The following CATSPERB variants were observed in gnomAD, a reference collection of about 807,000 sequenced individuals.
The protein encoded by CATSPERB is catsper channel auxiliary subunit beta.
CATSPERB carries 93 observed loss-of-function variants against 128.3 expected under a neutral mutation model. The observed-to-expected ratio is 0.72, with a 90% CI of 0.61 to 0.86. The LOEUF is 0.86. CATSPERB is among the 40% of genes least tolerant of loss of function. The pLI, the probability that CATSPERB is intolerant of heterozygous loss-of-function variation, is 0.00. For missense variants in CATSPERB, 1,153 were observed against 1,329.5 expected (o/e 0.87, Z 2.06); for synonymous variants, 381 against 448.8 (o/e 0.85, Z 1.91).
intron 17 of CATSPERB, among the ~76,000 whole-genome samples, chr14:91,631,913 A>G (rs1441828748): frequency 1.3e-5 from 2 of 152,124 alleles, no homozygotes; most frequent in Non-Finnish European, 2.9e-5. Flanking sequence ...CACAGTAAAA[A>G]TCTTGGATAA....
intron 26 of CATSPERB, among the ~76,000 whole-genome samples, chr14:91,582,178 A>G (rs559391670): frequency 6.6e-6 from 1 of 152,290 alleles, no homozygotes; most frequent in South Asian, 2.1e-4. Flanking sequence ...ACATTGCCAG[A>G]TTTATCTTTG....
At chr14:91,700,896 T>C (rs1686144604) in intron 7 of CATSPERB, among the ~76,000 whole-genome samples, 1 of 152,126 alleles carries the variant, frequency 6.6e-6, no homozygotes, top group Admixed American at 6.6e-5. Context: ...GGCTCATTCA[T>C]ATTCCAAACC....
intron 10 of CATSPERB, among the ~76,000 whole-genome samples, chr14:91,688,218 A>G (rs545526403): frequency 1.3e-5 from 2 of 152,308 alleles, no homozygotes; most frequent in South Asian, 4.1e-4. Flanking sequence ...TTGTCTGGAA[A>G]TAGAAATTCT....
intron 15 of CATSPERB, among the ~76,000 whole-genome samples, chr14:91,648,909 G>A (rs1037579038): frequency 2.0e-5 from 3 of 151,272 alleles, no homozygotes; most frequent in Non-Finnish European, 2.9e-5. Context: ...CTTCAAGGCC[G>A]CTCACCCAGA....
At chr14:91,647,479 T>C (rs1258699881) in intron 15 of CATSPERB, among the ~76,000 whole-genome samples, 1 of 152,228 alleles carries the variant, frequency 6.6e-6, no homozygotes, top group Non-Finnish European at 1.5e-5. Context: ...ATTAGCCTGT[T>C]TGCATGCTGC....
Position 91,608,373 on chromosome 14 carries a change from A to G in CATSPERB, c.2630T>C (p.Ile877Thr), listed in dbSNP as rs774159492. 5 of 1,609,064 alleles carry G rather than the reference A, an allele frequency of 3.1e-6. No homozygotes were observed. The highest frequency in any genetic ancestry group is 8.5e-7 in the Non-Finnish European group (1 of 1,175,666). The change falls in exon 22 of 27, where the codon ATT (isoleucine) becomes ACT (threonine). Residue 877 changes from isoleucine to threonine, a missense_variant. By Grantham distance (89) the Ile-to-Thr change is moderately conservative. Coordinates refer to ENST00000256343, the MANE Select transcript of CATSPERB (RefSeq NM_024764.4). ...INYRPPSNMG[I>T]AIPLTDNFYH... is the part of the protein sequence containing the mutation. ...AAAATTATCTGTGAGTGGAATAGCA[A>G]TTCCCATATTAGATGGAGGCCTGTA...
Position 91,624,897 on chromosome 14 carries a change from T to G in CATSPERB, c.1853A>C (p.Asn618Thr). 6.2e-7 allele frequency: 1 copy of G among 1,612,898 alleles called. No homozygotes were observed. Among genetic ancestry groups the G allele is most frequent in the Non-Finnish European group, 8.5e-7 (1 of 1,179,552 alleles). Residue 618 changes from asparagine (N) to threonine (T), a missense_variant, in exon 18 of 27, where the codon AAT (asparagine) becomes ACT (threonine). Transcript: ENST00000256343. ...GGAACTAGACAAACAAGAGCTCTCA[T>G]TCACTTCTTCTAATCCAAAGGGCTC... The part of the protein sequence containing the change: ...MKEPFGLEEV[N>T]ESSCLSSSLL...
At chr14:91,719,391 A>T in intron 5 of CATSPERB, 27 bp downstream of exon 5, 1 of 1,512,302 alleles carries the variant, frequency 6.6e-7, no homozygotes, top group Non-Finnish European at 9.0e-7. Context: ...ACCCAGGGGT[A>T]AAAGAATTAA....
Position 91,617,689 on chromosome 14 carries a change from G to A in CATSPERB, c.2308C>T (p.Pro770Ser), listed in dbSNP as rs767392802. 9 of 1,599,630 alleles carry A rather than the reference G, an allele frequency of 5.6e-6. No individual in the cohort carries two copies. In the African/African-American group the frequency reaches 9.4e-5, roughly 17 times the overall value. ...IPLLTVFVGN[P>S]NLLEVTAEVT... Reference sequence around the variant, plus strand: ...TCAGCTGTAACTTCCAACAAATTAGGGTTTCCAACAAACACAGTCAGTAGT... The same window carrying A: ...TCAGCTGTAACTTCCAACAAATTAGAGTTTCCAACAAACACAGTCAGTAGT... Residue 770 changes from proline (P) to serine (S), a missense_variant, in exon 20 of 27, where the codon CCT becomes TCT. By Grantham distance (74) the Pro-to-Ser change is moderately conservative. Transcript: ENST00000256343.
intron 18 of CATSPERB, among the ~76,000 whole-genome samples, chr14:91,623,002 C>T (rs543375053): frequency 1.4e-4 from 21 of 150,218 alleles, no homozygotes; most frequent in Admixed American, 1.2e-3. Flanking sequence ...TCAAACAATT[C>T]TCCTGCCTCA....
intron 22 of CATSPERB, 112 bp downstream of exon 22, chr14:91,608,182 G>A (rs1488219262): frequency 7.6e-6 from 5 of 658,194 alleles, no homozygotes; most frequent in East Asian, 2.9e-5. Flanking sequence ...TAGCAATCAC[G>A]ATAATAACAG....
At chr14:91,634,480 AT>A (rs1169059523) in intron 17 of CATSPERB, among the ~76,000 whole-genome samples, 1 of 151,828 alleles carries the variant, frequency 6.6e-6, no homozygotes, top group African/African-American at 2.4e-5. Context: ...CTAAAAAGAG[AT>A]TTACCATTAG....
At position 91,685,592 on chromosome 14, in the gene CATSPERB, A is replaced by C. The variant is rs573441987; in HGVS notation, c.865-1649T>G. ...CTAGTCTGGGGGCTCAACAGACAAAATAGGGTGATAATGATAGGAATTTGT... is the reference window on the plus strand; with the variant it reads ...CTAGTCTGGGGGCTCAACAGACAAACTAGGGTGATAATGATAGGAATTTGT... On this transcript the variant is annotated intron_variant, in intron 10 of 26. Coordinates refer to ENST00000256343, the MANE Select transcript of CATSPERB (RefSeq NM_024764.4). 4.7e-4 allele frequency among the ~76,000 whole-genome samples: 71 copies of C among 152,310 alleles called. No individual in the cohort carries two copies. The South Asian group carries it at 0.014, about 31-fold the overall frequency.
At chr14:91,670,073 T>TA (rs1378678607) in intron 13 of CATSPERB, 101 bp from the exon 14 acceptor site, 1 of 1,002,850 alleles carries the variant, frequency 1.0e-6, no homozygotes, top group Non-Finnish European at 1.5e-6. Flanking sequence ...ATACAATCAC[T>TA]AACACAACAT....
chr14:91,692,051 T>C (rs11844943), intron 9 of CATSPERB, among the ~76,000 whole-genome samples: 2,207 of 151,910 alleles, frequency 0.015, 53 homozygotes, highest in African/African-American at 0.05. Flanking sequence ...GTGGTGCATG[T>C]CTGTAATCCC....
chr14:91,629,783 T>G (rs1399525267), intron 17 of CATSPERB, among the ~76,000 whole-genome samples: 1 of 152,210 alleles, frequency 6.6e-6, no homozygotes, highest in Non-Finnish European at 1.5e-5. Flanking sequence ...GTCTCCCCAC[T>G]TCTTCCTACT....
At chr14:91,729,948 T>C (rs942403499) in intron 1 of CATSPERB, among the ~76,000 whole-genome samples, 2 of 152,138 alleles carry the variant, frequency 1.3e-5, no homozygotes, top group Admixed American at 1.3e-4. Context: ...CAGGCTTGTG[T>C]TTTGTAGCCA....
At chr14:91,625,462 A>T (rs1037169190) in intron 17 of CATSPERB, among the ~76,000 whole-genome samples, 2 of 152,204 alleles carry the variant, frequency 1.3e-5, no homozygotes, top group African/African-American at 4.8e-5. Flanking sequence ...AAAATTTAGA[A>T]ATGAGAAATG....
intron 15 of CATSPERB, among the ~76,000 whole-genome samples, chr14:91,655,343 G>A (rs1024726669): frequency 1.3e-5 from 2 of 152,142 alleles, no homozygotes; most frequent in African/African-American, 4.8e-5. Flanking sequence ...ACAAAATAAG[G>A]CACCAGAGAC....
Sources: gnomAD v4.1 joint callset for allele counts (sites outside exome capture counted in the v4.1 genomes callset) on GRCh38, gnomAD v4.1.1 for gene constraint, MANE v1.5 for transcripts, NCBI Gene and HGNC (gene_info 2026-07-23, HGNC 2026-07-21) for gene names.